Variants in ARHGAP10 observed in about 807,000 individuals in gnomAD.
ARHGAP10 encodes the protein Rho GTPase activating protein 10.
Under a neutral mutation model 108.6 loss-of-function variants are expected in ARHGAP10, and 87 were observed. That is an observed-to-expected ratio of 0.80 (90% CI 0.67 to 0.96). The LOEUF (loss-of-function observed/expected upper bound fraction) is 0.96, where lower values mean the gene tolerates loss of function less well. ARHGAP10 is among the 40% of genes least tolerant of loss of function. The probability of loss-of-function intolerance (pLI) is 0.00; values close to 1 mark genes in which losing one functional copy is unlikely to be tolerated. For synonymous variants in ARHGAP10, 347 were observed against 341.1 expected (o/e 1.02, Z -0.19); for missense variants, 939 against 954.5 (o/e 0.98, Z 0.21).
chr4:147,777,477 G>A (rs375983058), intron 1 of ARHGAP10, among the ~76,000 whole-genome samples: 1 of 151,998 alleles, frequency 6.6e-6, no homozygotes, highest in African/African-American at 2.4e-5. Flanking sequence ...TAGCCAGGAT[G>A]GTCTCCATCT....
At position 147,871,701 on chromosome 4, in the gene ARHGAP10, G is replaced by A. The variant is rs146148103; in HGVS notation, c.703-3320G>A. Among the ~76,000 whole-genome samples the A allele has an allele frequency of 1.5e-3, 236 of 152,274 alleles. 1 individual carries two copies. Among genetic ancestry groups the A allele is most frequent in the African/African-American group, 5.2e-3 (215 of 41,562 alleles). ...TCTAACATTATTGTAATTAGAAGAT[G>A]CCTTCATATGTACTTGGAACTTATA... On this transcript the variant is annotated intron_variant, in intron 7 of 22. Coordinates refer to ENST00000336498, the MANE Select transcript of ARHGAP10 (RefSeq NM_024605.4).
intron 3 of ARHGAP10, among the ~76,000 whole-genome samples, chr4:147,828,421 G>A (rs1203162614): frequency 6.6e-6 from 1 of 152,202 alleles, no homozygotes; most frequent in Non-Finnish European, 1.5e-5. Context: ...GCTGTATTAA[G>A]TATACAGTTC....
In ARHGAP10 at chr4:147,942,320, A is replaced by G. The variant is rs556533314; in HGVS notation, c.1303+2421A>G. On this transcript the variant is annotated intron_variant, in intron 14 of 22. Transcript: ENST00000336498. ...TATTTTTTGAGGAGAGCTGCCATTT[A>G]TCCAATTCTCTGTAGTTCTTGAGAG... 8.5e-4 allele frequency among the ~76,000 whole-genome samples: 129 copies of G among 152,310 alleles called. 1 individual carries two copies. Among genetic ancestry groups the G allele is most frequent in the African/African-American group, 2.8e-3 (118 of 41,576 alleles).
At chr4:147,770,817 G>A (rs909415919) in intron 1 of ARHGAP10, among the ~76,000 whole-genome samples, 51 of 152,136 alleles carry the variant, frequency 3.4e-4, no homozygotes, top group African/African-American at 1.2e-3. Context: ...CCATAGCCGA[G>A]TACCACAGAC....
chr4:147,808,153 A>G (rs919484158), intron 1 of ARHGAP10, among the ~76,000 whole-genome samples: 1 of 152,170 alleles, frequency 6.6e-6, no homozygotes, highest in Non-Finnish European at 1.5e-5. Context: ...TTTATATACA[A>G]CTAACAACTG....
intron 1 of ARHGAP10, among the ~76,000 whole-genome samples, chr4:147,767,990 C>T (rs1180260973): frequency 6.6e-6 from 1 of 152,178 alleles, no homozygotes. Flanking sequence ...TTTCCCTGCA[C>T]CCATGGTGCA....
chr4:148,017,910 A>G (rs1456596196), intron 18 of ARHGAP10, among the ~76,000 whole-genome samples: 1 of 151,960 alleles, frequency 6.6e-6, no homozygotes, highest in Non-Finnish European at 1.5e-5. Context: ...CAGAGCATGA[A>G]GGACTTGGGG....
At chr4:147,754,242 T>G (rs1729278923) in intron 1 of ARHGAP10, among the ~76,000 whole-genome samples, 1 of 152,238 alleles carries the variant, frequency 6.6e-6, no homozygotes, top group African/African-American at 2.4e-5. Context: ...CTTTAATTCT[T>G]GTTCTGTTTC....
chr4:147,966,451 A>G (rs542982632), intron 17 of ARHGAP10, among the ~76,000 whole-genome samples: 55 of 152,338 alleles, frequency 3.6e-4, no homozygotes, highest in Non-Finnish European at 1.0e-4. Context: ...GGAATTATTA[A>G]GAAAGCCATT....
intron 18 of ARHGAP10, among the ~76,000 whole-genome samples, chr4:148,006,278 G>T (rs528008619): frequency 2.0e-5 from 3 of 152,312 alleles, no homozygotes; most frequent in African/African-American, 7.2e-5. Context: ...CAGCTTTCCT[G>T]TCCAGGCACT....
At chr4:147,743,897 C>G (rs1186815519) in intron 1 of ARHGAP10, among the ~76,000 whole-genome samples, 1 of 152,134 alleles carries the variant, frequency 6.6e-6, no homozygotes, top group East Asian at 1.9e-4. Flanking sequence ...AGTGAACTCT[C>G]TCTGTGTTTG....
At chr4:147,744,356 T>C (rs925777473) in intron 1 of ARHGAP10, among the ~76,000 whole-genome samples, 1 of 151,466 alleles carries the variant, frequency 6.6e-6, no homozygotes, top group Non-Finnish European at 1.5e-5. Context: ...GGAATCTGCA[T>C]TGAGGATAAG....
intron 1 of ARHGAP10, among the ~76,000 whole-genome samples, chr4:147,766,813 TATATATATATATATATATA>T (rs1729841864): frequency 1.8e-4 from 1 of 5,696 alleles, no homozygotes; most frequent in African/African-American, 1.9e-4. Context: ...TATATATATA[TATATATATATATATATATA>T]TATATATTTA....
intron 15 of ARHGAP10, among the ~76,000 whole-genome samples, chr4:147,955,038 A>G (rs1738736467): frequency 6.6e-6 from 1 of 152,070 alleles, no homozygotes; most frequent in Non-Finnish European, 1.5e-5. Flanking sequence ...ATAAAACCAG[A>G]TGTTCACAAA....
chr4:147,859,219 G>A (rs936549684), intron 5 of ARHGAP10, among the ~76,000 whole-genome samples: 2 of 150,924 alleles, frequency 1.3e-5, no homozygotes, highest in East Asian at 3.9e-4. Flanking sequence ...AGTTTTTCCT[G>A]ACCTTCTTAT....
intron 19 of ARHGAP10, among the ~76,000 whole-genome samples, chr4:148,037,639 A>G (rs1416631749): frequency 6.6e-6 from 1 of 152,164 alleles, no homozygotes; most frequent in Non-Finnish European, 1.5e-5. Context: ...GATTGAGATC[A>G]TCCTGGCCAA....
At chr4:147,999,344 T>G (rs1740603048) in intron 18 of ARHGAP10, among the ~76,000 whole-genome samples, 1 of 152,206 alleles carries the variant, frequency 6.6e-6, no homozygotes, top group Non-Finnish European at 1.5e-5. Flanking sequence ...TACCCTCCCT[T>G]TGTGAGCTCT....
At position 148,005,938 on chromosome 4, in the gene ARHGAP10, G is replaced by A. The variant is rs147908868; in HGVS notation, c.1717-17325G>A. Among the ~76,000 whole-genome samples, 278 of 152,308 alleles carry A rather than the reference G, an allele frequency of 1.8e-3. 1 individual carries two copies. The highest frequency in any genetic ancestry group is 6.4e-3 in the African/African-American group (267 of 41,572). On this transcript the variant is annotated intron_variant, in intron 18 of 22. Transcript: ENST00000336498. ...ACAATATTAGGTGAAACAAATACAT[G>A]TATCTCTTAGTGCAGATTAAAAGTA...
At chr4:147,764,893 A>AT (rs1234605997) in intron 1 of ARHGAP10, among the ~76,000 whole-genome samples, 1 of 152,112 alleles carries the variant, frequency 6.6e-6, no homozygotes, top group African/African-American at 2.4e-5. Context: ...CTGTAAGTTT[A>AT]TTTTTCAGTA....
Sources: gnomAD v4.1 joint callset for allele counts (sites outside exome capture counted in the v4.1 genomes callset) on GRCh38, gnomAD v4.1.1 for gene constraint, MANE v1.5 for transcripts, NCBI Gene and HGNC (gene_info 2026-07-23, HGNC 2026-07-21) for gene names.